Variants in CFAP299 observed in about 807,000 individuals in gnomAD.
The protein encoded by CFAP299 is cilia- and flagella-associated protein 299.
A neutral mutation model predicts 27.0 loss-of-function variants in CFAP299; 21 were observed. That is an observed-to-expected ratio of 0.78 (90% CI 0.55 to 1.12). The LOEUF (loss-of-function observed/expected upper bound fraction) is 1.12. Among genes scored for constraint, CFAP299 ranks in the 50% most tolerant of loss-of-function variants. The pLI is 0.00. For missense variants in CFAP299, 310 were observed against 276.6 expected, an observed-to-expected ratio of 1.12 and a Z score of -0.86; for synonymous variants, 104 against 98.1, an observed-to-expected ratio of 1.06 and a Z score of -0.36.
At chr4:80,624,579 T>G (rs1364507298) in intron 3 of CFAP299, among the ~76,000 whole-genome samples, 1 of 152,010 alleles carries the variant, frequency 6.6e-6, no homozygotes, top group Non-Finnish European at 1.5e-5. Context: ...AGAGAAATGC[T>G]AGCAGAACAA....
rs745306357 is a variant in CFAP299 at position 80,498,548 on chromosome 4, C to T, written c.243-84545C>T. 1.1e-4 allele frequency among the ~76,000 whole-genome samples: 16 copies of T among 151,328 alleles called. No individual in the cohort carries two copies. In the South Asian group the frequency reaches 2.7e-3, roughly 26 times the overall value. ...AATAAAAATCATAATGAGATACCAT[C>T]TCATACCAGTCAGAATGGCTATTAT... is the stretch of plus-strand genomic sequence containing the variant. On this transcript the variant is annotated intron_variant, in intron 2 of 5. Coordinates refer to ENST00000358105, the MANE Select transcript of CFAP299 (RefSeq NM_152770.3).
chr4:80,533,786 G>A (rs979187629), intron 2 of CFAP299, among the ~76,000 whole-genome samples: 2 of 151,998 alleles, frequency 1.3e-5, no homozygotes, highest in African/African-American at 4.8e-5. Context: ...AAAAATACCT[G>A]GGAAACCTTC....
At position 80,890,714 on chromosome 4, in the gene CFAP299, T is replaced by C. The variant is rs368817521; in HGVS notation, c.476+20579T>C. 4.2e-4 allele frequency among the ~76,000 whole-genome samples: 64 copies of C among 150,628 alleles called. No homozygotes were observed. In the East Asian group the frequency reaches 8.4e-3, roughly 20 times the overall value. On this transcript the variant is annotated intron_variant, in intron 4 of 5. Transcript: ENST00000358105. ...TGTTCCTATTTCTCCACATCCTCTC[T>C]AGCACCTGTTGTTTCCTGACTTTTT...
chr4:80,668,285 G>A (rs1016432464), intron 3 of CFAP299, among the ~76,000 whole-genome samples: 3 of 151,770 alleles, frequency 2.0e-5, no homozygotes, highest in African/African-American at 2.4e-5. Context: ...ATGTTTTCCC[G>A]CTGTGCAGAA....
chr4:80,409,532 T>A (rs1187462539), intron 2 of CFAP299, among the ~76,000 whole-genome samples: 1 of 152,164 alleles, frequency 6.6e-6, no homozygotes, highest in Non-Finnish European at 1.5e-5. Context: ...TAGAAAAAAA[T>A]GAATTTCTAC....
intron 4 of CFAP299, among the ~76,000 whole-genome samples, chr4:80,920,671 A>G (rs575084328): frequency 1.8e-4 from 28 of 152,094 alleles, no homozygotes; most frequent in Non-Finnish European, 3.1e-4. Context: ...TTAGTTGCTT[A>G]CATGTAATGT....
chr4:80,367,310 C>A (rs1298183321), intron 2 of CFAP299, among the ~76,000 whole-genome samples: 1 of 151,994 alleles, frequency 6.6e-6, no homozygotes, highest in Non-Finnish European at 1.5e-5. Context: ...TGTGAGGGGA[C>A]GTGAAGAATA....
intron 2 of CFAP299, among the ~76,000 whole-genome samples, chr4:80,456,812 G>C (rs940517035): frequency 2.6e-5 from 4 of 152,110 alleles, no homozygotes; most frequent in African/African-American, 7.2e-5. Context: ...AAATAGAAAA[G>C]AGTTCCAAGG....
rs183485485 is a variant in CFAP299, at chr4:80,828,172, T to A, written c.334-41821T>A. 4.0e-3 allele frequency among the ~76,000 whole-genome samples: 614 copies of A among 152,128 alleles called. 2 individuals are homozygous for A. Among genetic ancestry groups the A allele is most frequent in the Non-Finnish European group, 7.0e-3 (475 of 67,962 alleles). The stretch of plus-strand genomic sequence containing the variant: ...CTTATCATAATTGCAATGACATTTT[T>A]TTTTGCAAAAATAGAAAAGTCCTTT... On this transcript the variant is annotated intron_variant, in intron 3 of 5. Coordinates refer to ENST00000358105, the MANE Select transcript of CFAP299 (RefSeq NM_152770.3).
intron 1 of CFAP299, among the ~76,000 whole-genome samples, chr4:80,338,165 A>T (rs1722253417): frequency 6.6e-6 from 1 of 151,874 alleles, no homozygotes; most frequent in African/African-American, 2.4e-5. Flanking sequence ...CTTTTAAAAC[A>T]TTTTATTTTA....
At chr4:80,401,713 G>T (rs1189215387) in intron 2 of CFAP299, among the ~76,000 whole-genome samples, 1 of 152,198 alleles carries the variant, frequency 6.6e-6, no homozygotes, top group African/African-American at 2.4e-5. Flanking sequence ...TCCCTACTGG[G>T]TCACTGCCTA....
chr4:80,646,851 G>T (rs1013091330), intron 3 of CFAP299, among the ~76,000 whole-genome samples: 28 of 152,002 alleles, frequency 1.8e-4, no homozygotes, highest in African/African-American at 6.0e-4. Flanking sequence ...AATGCCAAAT[G>T]GATTAATAAT....
chr4:80,882,670 TA>T (rs1446637946), intron 4 of CFAP299, among the ~76,000 whole-genome samples: 1 of 148,986 alleles, frequency 6.7e-6, no homozygotes, highest in Non-Finnish European at 1.5e-5. Context: ...AAGTGGTAAG[TA>T]AAAAGTGTCT....
chr4:80,842,220 CT>C (rs1730900969), intron 3 of CFAP299, among the ~76,000 whole-genome samples: 1 of 152,094 alleles, frequency 6.6e-6, no homozygotes, highest in African/African-American at 2.4e-5. Context: ...CTAACTCTGA[CT>C]TTTTACCATC....
chr4:80,379,267 G>A (rs1021788199), intron 2 of CFAP299, among the ~76,000 whole-genome samples: 9 of 152,000 alleles, frequency 5.9e-5, no homozygotes, highest in African/African-American at 2.2e-4. Flanking sequence ...AGTAGAAAGT[G>A]TAGGGATATT....
chr4:80,718,237 T>TTTGTATC (rs1276112451), intron 3 of CFAP299, among the ~76,000 whole-genome samples: 1 of 152,046 alleles, frequency 6.6e-6, no homozygotes, highest in Non-Finnish European at 1.5e-5. Flanking sequence ...CATAGGAGAT[T>TTTGTATC]CTAGCAAAAC....
intron 1 of CFAP299, chr4:80,336,723 A>C (rs539147920): frequency 6.6e-6 from 1 of 152,358 alleles, no homozygotes; most frequent in South Asian, 2.1e-4. Flanking sequence ...AACTTCCCGG[A>C]TAGGCCCACT....
intron 2 of CFAP299, among the ~76,000 whole-genome samples, chr4:80,446,866 T>C (rs527309301): frequency 6.6e-6 from 1 of 152,184 alleles, no homozygotes; most frequent in Non-Finnish European, 1.5e-5. Context: ...AAAATGTGGA[T>C]TTTATGTGTG....
chr4:80,800,107 T>C (rs1296012629), intron 3 of CFAP299, among the ~76,000 whole-genome samples: 1 of 61,994 alleles, frequency 1.6e-5, no homozygotes, highest in African/African-American at 6.3e-5. Flanking sequence ...ATATAATATA[T>C]TATATATAAG....
Sources: gnomAD v4.1 joint callset for allele counts (sites outside exome capture counted in the v4.1 genomes callset) on GRCh38, gnomAD v4.1.1 for gene constraint, MANE v1.5 for transcripts, NCBI Gene and HGNC (gene_info 2026-07-23, HGNC 2026-07-21) for gene names.